Variants in GCFC2 observed in about 807,000 individuals in gnomAD.
GCFC2 encodes intron Large complex component GCFC2.
GCFC2 carries 102 observed loss-of-function variants against 99.4 expected under a neutral mutation model. The ratio of observed to expected loss-of-function variants is 1.03; its 90% CI spans 0.87 to 1.21. GCFC2 has a LOEUF of 1.21. Ranked by LOEUF, GCFC2 falls within the 50% of genes most tolerant of loss-of-function variation. The probability of loss-of-function intolerance (pLI) is 0.00; values close to 1 mark genes in which losing one functional copy is unlikely to be tolerated. For missense variants in GCFC2, 973 were observed against 920.9 expected (o/e 1.06, Z -0.73); for synonymous variants, 338 against 316.8 (o/e 1.07, Z -0.71).
rs960204031 is a variant in GCFC2, at chr2:75,703,685, G to A, written c.395-1262C>T. Among the ~76,000 whole-genome samples the A allele has an allele frequency of 2.6e-5, 4 of 152,152 alleles. 1 individual carries two copies. Among genetic ancestry groups the A allele is most frequent in the African/African-American group, 4.8e-5 (2 of 41,426 alleles). On this transcript the variant is annotated intron_variant, in intron 2 of 16. Transcript: ENST00000321027. ...AAAACCATCACAGCAGGTTATAGTA[G>A]CAATTCTCGACCCTGGCTACACATC...
intron 15 of GCFC2, among the ~76,000 whole-genome samples, chr2:75,668,236 G>C (rs1301697288): frequency 6.6e-6 from 1 of 152,156 alleles, no homozygotes; most frequent in Non-Finnish European, 1.5e-5. Flanking sequence ...AAGCTTTACA[G>C]ACCCCAGACG....
chr2:75,710,665 G>C lies in GCFC2; in HGVS notation c.191C>G (p.Pro64Arg), dbSNP rs779255922. Residue 64 changes from proline (P) to arginine (R), a missense_variant, in exon 1 of 17, where the codon CCT (proline) becomes CGT (arginine). Pro to Arg is a moderately radical substitution (Grantham distance 103, BLOSUM62 -2). Transcript: ENST00000321027. Reference protein sequence around the residue: ...VAGLPHRVRGPRGRGRVWASS... With the variant: ...VAGLPHRVRGRRGRGRVWASS... ...CGCCCAGACCCGGCCCCGGCCACGA[G>C]GGCCCCGAACCCGGTGGGGCAGTCC... 5 of 1,519,748 alleles carry C rather than the reference G, an allele frequency of 3.3e-6. No homozygotes were observed. In the South Asian group the frequency reaches 4.9e-5, roughly 15 times the overall value. The allele number at this position is 1,519,748 out of a possible 1,614,324, so 94.1% of individuals were successfully genotyped here.
chr2:75,664,706 T>G lies in GCFC2; in HGVS notation c.2306A>C (p.His769Pro), dbSNP rs949088372. The change falls in exon 17 of 17, where the codon CAT (histidine) becomes CCT (proline). Residue 769 changes from histidine to proline, a missense_variant. Transcript: ENST00000321027. Reference sequence around the variant, plus strand: ...TAGTGATTTAAGATGGTCTAGGTGATGCTCTCCTATGAAGGATTCTGCTTG... The same window carrying G: ...TAGTGATTTAAGATGGTCTAGGTGAGGCTCTCCTATGAAGGATTCTGCTTG... ...LNQAESFIGE[H>P]HLDHLKSLIK... 6.5e-7 allele frequency: 1 copy of G among 1,549,546 alleles called. No individual in the cohort carries two copies. The highest frequency in any genetic ancestry group is 8.9e-7 in the Non-Finnish European group (1 of 1,122,636).
intron 15 of GCFC2, 90 bp from the exon 16 acceptor site, chr2:75,666,143 A>G (rs1678827527): frequency 1.1e-6 from 1 of 891,258 alleles, no homozygotes; most frequent in Non-Finnish European, 1.7e-6. Context: ...TAAGCTGAGT[A>G]TCATTCTCCC....
intron 4 of GCFC2, among the ~76,000 whole-genome samples, chr2:75,698,435 T>C (rs1480025254): frequency 6.6e-6 from 1 of 152,098 alleles, no homozygotes; most frequent in Non-Finnish European, 1.5e-5. Context: ...ATGTCCAAAA[T>C]GAAGAATGGT....
rs1423465662 is a variant in GCFC2 at position 75,687,829 on chromosome 2, G to T, written c.1688C>A (p.Thr563Lys). The T allele has an allele frequency of 1.2e-6, 2 of 1,603,510 alleles. No individual in the cohort carries two copies. The highest frequency in any genetic ancestry group is 1.7e-6 in the Non-Finnish European group (2 of 1,174,930). The change falls in exon 11 of 17, where the codon ACA becomes AAA. Residue 563 changes from threonine (T) to lysine (K), a missense_variant and splice_region_variant. Coordinates refer to ENST00000321027, the MANE Select transcript of GCFC2 (RefSeq NM_003203.5). ...TTACCAAGGTTACGAAGCAGTACCT[G>T]TAAGTCGGGGAATAATTGTTTTGTT... Reference protein sequence around the residue: ...IINKTIIPRLTDFVEFLWDPL... With the variant: ...IINKTIIPRLKDFVEFLWDPL...
At chr2:75,705,851 G>A (rs952059960) in intron 2 of GCFC2, among the ~76,000 whole-genome samples, 15 of 152,146 alleles carry the variant, frequency 9.9e-5, no homozygotes, top group African/African-American at 2.9e-4. Context: ...TTCACTTTGC[G>A]GGCCATAGGG....
chr2:75,672,770 A>ATTTTATCCT lies in GCFC2; in HGVS notation c.1889+665_1889+673dup, dbSNP rs1482164455. Among the ~76,000 whole-genome samples the ATTTTATCCT allele has an allele frequency of 1.1e-4, 17 of 152,320 alleles. No individual in the cohort carries two copies. In the East Asian group the frequency reaches 3.3e-3, roughly 29 times the overall value. On this transcript the variant is annotated intron_variant, in intron 13 of 16. Coordinates refer to ENST00000321027, the MANE Select transcript of GCFC2 (RefSeq NM_003203.5). ...CTAATATCCTGTGAGGTAGGCACTA[A>ATTTTATCCT]TTTTATCCTTATTTTATAGATGAGA...
At position 75,664,089 on chromosome 2, in the gene GCFC2, A is replaced by T. The variant is rs1209031343; in HGVS notation, c.*577T>A. On this transcript the variant is annotated 3_prime_UTR_variant, in exon 17 of 17. Transcript: ENST00000321027. ...TAAGATTTTTACCTTTCAAATTTTC[A>T]ATGCATTTTTAAAAAGGATAATAAC... is the stretch of plus-strand genomic sequence containing the variant. The T allele has an allele frequency of 2.0e-5, 3 of 152,224 alleles. No homozygotes were observed. The highest frequency in any genetic ancestry group is 1.5e-5 in the Non-Finnish European group (1 of 68,040). The allele number at this position is 152,224 out of a possible 1,614,324, so 9.4% of individuals were successfully genotyped here. A position where few individuals can be genotyped will look rare whatever the true frequency, so the allele number is the denominator to read the frequency against.
chr2:75,680,926 T>C (rs1168920525), intron 11 of GCFC2, among the ~76,000 whole-genome samples: 1 of 152,208 alleles, frequency 6.6e-6, no homozygotes, highest in Non-Finnish European at 1.5e-5. Context: ...CCTATTCCTA[T>C]GGATGAGGCA....
At chr2:75,683,771 C>CAAAAAA (rs749580096) in intron 11 of GCFC2, among the ~76,000 whole-genome samples, 616 of 60,244 alleles carry the variant, frequency 0.01, 1 homozygote, top group Non-Finnish European at 0.014. Flanking sequence ...AAATGGAAAG[C>CAAAAAA]AAAAAAAAAA....
At chr2:75,696,018 T>C (rs1358337062) in intron 5 of GCFC2, among the ~76,000 whole-genome samples, 182 bp downstream of exon 5, 2 of 152,176 alleles carry the variant, frequency 1.3e-5, no homozygotes, top group Admixed American at 6.5e-5. Flanking sequence ...AATGCAGATA[T>C]GGGGGGGACT....
chr2:75,664,467 T>G lies in GCFC2; in HGVS notation c.*199A>C. On this transcript the variant is annotated 3_prime_UTR_variant, in exon 17 of 17. Coordinates refer to ENST00000321027, the MANE Select transcript of GCFC2 (RefSeq NM_003203.5). ...TAAAGCTCCAGTGCATTTAATTCCTTAGAACACCACAGAATCATGGCAGCT... is the reference window on the plus strand; with the variant it reads ...TAAAGCTCCAGTGCATTTAATTCCTGAGAACACCACAGAATCATGGCAGCT... The G allele has an allele frequency of 2.8e-6, 1 of 359,726 alleles. No homozygotes were observed. Among genetic ancestry groups the G allele is most frequent in the Non-Finnish European group, 5.0e-6 (1 of 200,324 alleles). The allele number at this position is 359,726 out of a possible 1,614,324, so 22.3% of individuals were successfully genotyped here.
In GCFC2 at chr2:75,671,933, T is replaced by A; in HGVS notation, c.1956+17A>T. 7.2e-7 allele frequency: 1 copy of A among 1,398,130 alleles called. No individual in the cohort carries two copies. Among genetic ancestry groups the A allele is most frequent in the Non-Finnish European group, 1.0e-6 (1 of 988,396 alleles). The allele number at this position is 1,398,130 out of a possible 1,614,324, so 86.6% of individuals were successfully genotyped here. On this transcript the variant is annotated intron_variant, in intron 14 of 16. Coordinates refer to ENST00000321027, the MANE Select transcript of GCFC2 (RefSeq NM_003203.5). ...TTTTACAAAAATTGCCTTTTCATTT[T>A]TGCAGTTTTTGCTCACCTTTAGGCC...
chr2:75,692,159 AT>A, intron 6 of GCFC2, 59 bp from the exon 7 acceptor site: 1 of 474,658 alleles, frequency 2.1e-6, no homozygotes, highest in South Asian at 5.7e-5. Flanking sequence ...ATATATATAT[AT>A]ATATATATAT....
intron 2 of GCFC2, among the ~76,000 whole-genome samples, chr2:75,705,713 G>A (rs1461979436): frequency 6.7e-6 from 1 of 148,870 alleles, no homozygotes; most frequent in Non-Finnish European, 1.5e-5. Context: ...AATATAATTT[G>A]TTTCCTCTAC....
chr2:75,711,829 C>A (rs1408080501), upstream of GCFC2, among the ~76,000 whole-genome samples: 1 of 152,264 alleles, frequency 6.6e-6, no homozygotes, highest in East Asian at 1.9e-4. Flanking sequence ...GGCTCGGGAC[C>A]TGCAGCCCGC....
chr2:75,673,449 T>C lies in GCFC2; in HGVS notation c.1884A>G (p.Pro628=). Residue 628 remains proline (P), a synonymous_variant, in exon 13 of 17, where the codon CCA becomes CCG. Transcript: ENST00000321027. ...TAGAAATTAACAGCGCTTACCTCTT[T>C]GGATACAGAGGAATAAAAACATCAT... is the stretch of plus-strand genomic sequence containing the variant. ...VEDDVFIPLY[P]KSAVENKTSP... 2 of 1,347,286 alleles carry C rather than the reference T, an allele frequency of 1.5e-6. No homozygotes were observed. The highest frequency in any genetic ancestry group is 2.1e-6 in the Non-Finnish European group (2 of 937,286). The allele number at this position is 1,347,286 out of a possible 1,614,324, so 83.5% of individuals were successfully genotyped here.
At chr2:75,679,454 GAA>G (rs1166557597) in intron 12 of GCFC2, among the ~76,000 whole-genome samples, 1 of 152,092 alleles carries the variant, frequency 6.6e-6, no homozygotes, top group Non-Finnish European at 1.5e-5. Context: ...ATGCTACAAT[GAA>G]AGAGTGAGAA....
Sources: gnomAD v4.1 joint callset for allele counts (sites outside exome capture counted in the v4.1 genomes callset) on GRCh38, gnomAD v4.1.1 for gene constraint, MANE v1.5 for transcripts, NCBI Gene and HGNC (gene_info 2026-07-23, HGNC 2026-07-21) for gene names.